The following MYOCD variants were observed in gnomAD, a reference collection of about 807,000 sequenced individuals.
The protein encoded by MYOCD is myocardin.
MYOCD carries 32 observed loss-of-function variants against 96.1 expected under a neutral mutation model. The ratio of observed to expected loss-of-function variants is 0.33; its 90% confidence interval spans 0.25 to 0.45. The LOEUF (loss-of-function observed/expected upper bound fraction) is 0.45. Among genes scored for constraint, MYOCD ranks in the 20% least tolerant of loss-of-function variants. MYOCD has a pLI of 1.00. For synonymous variants in MYOCD, 469 were observed against 469.0 expected (o/e 1.00, Z 0.00); for missense variants, 1,133 against 1,200.6 (o/e 0.94, Z 0.83).
intron 2 of MYOCD, among the ~76,000 whole-genome samples, chr17:12,714,229 T>C (rs1597772611): frequency 6.6e-6 from 1 of 151,438 alleles, no homozygotes; most frequent in Non-Finnish European, 1.5e-5. Context: ...ATGGTAGCCG[T>C]CATGACTACA....
chr17:12,678,328 G>T (rs59185675), intron 1 of MYOCD, among the ~76,000 whole-genome samples: 18,596 of 149,222 alleles, frequency 0.12, 2,165 homozygotes, highest in African/African-American at 0.31. Flanking sequence ...AAAAAAAACT[G>T]AAAAGGCATA....
At chr17:12,667,072 T>G (rs563212040) in intron 1 of MYOCD, among the ~76,000 whole-genome samples, 1 of 152,232 alleles carries the variant, frequency 6.6e-6, no homozygotes, top group African/African-American at 2.4e-5. Context: ...CACTCAACAA[T>G]GTAGGACTTC....
intron 1 of MYOCD, among the ~76,000 whole-genome samples, chr17:12,681,275 G>C (rs942898751): frequency 6.6e-6 from 1 of 152,138 alleles, no homozygotes; most frequent in Non-Finnish European, 1.5e-5. Context: ...GACATCGTAA[G>C]GCATTTCCAC....
At chr17:12,708,031 C>A (rs1190103898) in intron 2 of MYOCD, among the ~76,000 whole-genome samples, 1 of 152,134 alleles carries the variant, frequency 6.6e-6, no homozygotes, top group Non-Finnish European at 1.5e-5. Context: ...GCCCCAATTA[C>A]TGGGCCTCTC....
At chr17:12,692,215 A>G (rs945979918) in intron 1 of MYOCD, among the ~76,000 whole-genome samples, 1 of 152,212 alleles carries the variant, frequency 6.6e-6, no homozygotes, top group African/African-American at 2.4e-5. Context: ...GGCACAGCCA[A>G]TGTTTCAGGC....
chr17:12,704,380 C>G (rs2031204692), intron 1 of MYOCD, among the ~76,000 whole-genome samples: 1 of 152,032 alleles, frequency 6.6e-6, no homozygotes, highest in African/African-American at 2.4e-5. Context: ...TTAATTTTTA[C>G]TATTACATGT....
At chr17:12,748,036 G>A (rs575349764) in intron 9 of MYOCD, among the ~76,000 whole-genome samples, 68 of 151,486 alleles carry the variant, frequency 4.5e-4, no homozygotes, top group Middle Eastern at 3.4e-3. Context: ...GGTGGTGCAC[G>A]CCTGTAATCC....
At chr17:12,725,248 T>C (rs1280182435) in intron 5 of MYOCD, among the ~76,000 whole-genome samples, 3 of 151,714 alleles carry the variant, frequency 2.0e-5, no homozygotes, top group Admixed American at 2.0e-4. Flanking sequence ...TTTTCTGCCT[T>C]GGTTCACTGG....
At chr17:12,693,958 TA>T (rs557448814) in intron 1 of MYOCD, among the ~76,000 whole-genome samples, 47 of 152,206 alleles carry the variant, frequency 3.1e-4, no homozygotes, top group Middle Eastern at 6.8e-3. Flanking sequence ...CTGCTGTTGA[TA>T]AAAACATTGG....
At position 12,666,059 on chromosome 17, in the gene MYOCD, C is replaced by A; in HGVS notation, c.-130C>A. The A allele has an allele frequency of 1.5e-6, 1 of 683,098 alleles. No homozygotes were observed. The highest frequency in any genetic ancestry group is 2.6e-6 in the Non-Finnish European group (1 of 381,962). 42.3% of individuals were successfully genotyped at this position (683,098 alleles called of 1,614,324 possible). ...CACTGGCTGCCACTGTACTCCTACC[C>A]AGGGGAGCTCACGGAGAGTTGGATG... is the stretch of plus-strand genomic sequence containing the variant. On this transcript the variant is annotated 5_prime_UTR_variant, in exon 1 of 14. Transcript: ENST00000425538.
chr17:12,752,822 G>A lies in MYOCD; in HGVS notation c.1534G>A (p.Gly512Arg). 6.2e-7 allele frequency: 1 copy of A among 1,614,068 alleles called. No homozygotes were observed. The highest frequency in any genetic ancestry group is 1.7e-4 in the Middle Eastern group (1 of 6,060). ...GGGCTCTGTTCCTTCTGAGCTGGAT[G>A]GGCTGGACTCCGAGAAGGACAAGAT... is the stretch of plus-strand genomic sequence containing the variant. ...NGGSVPSELD[G>R]LDSEKDKMLV... The change falls in exon 10 of 14, where the codon GGG becomes AGG. Residue 512 changes from glycine (G) to arginine (R), a missense_variant. Transcript: ENST00000425538.
intron 5 of MYOCD, among the ~76,000 whole-genome samples, chr17:12,724,532 A>G (rs2031940229): frequency 6.6e-6 from 1 of 151,978 alleles, no homozygotes; most frequent in African/African-American, 2.4e-5. Flanking sequence ...TATATGGTCA[A>G]TTTTACCTAT....
chr17:12,752,228 A>G (rs1486866130), intron 9 of MYOCD, among the ~76,000 whole-genome samples, 186 bp from the exon 10 acceptor site: 1 of 152,260 alleles, frequency 6.6e-6, no homozygotes, highest in East Asian at 1.9e-4. Context: ...AAAGTTAAAA[A>G]TAATTGTTAA....
intron 5 of MYOCD, among the ~76,000 whole-genome samples, chr17:12,730,865 G>A (rs2032150644): frequency 6.6e-6 from 1 of 152,124 alleles, no homozygotes; most frequent in Non-Finnish European, 1.5e-5. Flanking sequence ...CCCTTGGTGT[G>A]GGTCTTCACA....
At position 12,763,259 on chromosome 17, in the gene MYOCD, T is replaced by C. The variant is rs1414652604; in HGVS notation, c.2576T>C (p.Leu859Ser). The C allele has an allele frequency of 1.9e-6, 3 of 1,613,652 alleles. No homozygotes were observed. Among genetic ancestry groups the C allele is most frequent in the South Asian group, 2.2e-5 (2 of 91,050 alleles). The change falls in exon 14 of 14, where the codon TTA becomes TCA. Residue 859 changes from leucine to serine, a missense_variant. Physicochemically the swap from Leu to Ser is moderately radical, Grantham distance 145. Transcript: ENST00000425538. ...AGTGATGAGCATCTTGAAGTCTTAT[T>C]AAATTCCCAGAGCCCCCTAGGAAAG... ...TDSDEHLEVL[L>S]NSQSPLGKMS...
intron 8 of MYOCD, among the ~76,000 whole-genome samples, chr17:12,745,034 T>C (rs911390066): frequency 5.9e-5 from 9 of 152,162 alleles, no homozygotes; most frequent in African/African-American, 2.2e-4. Flanking sequence ...CAAGTTGGAC[T>C]ATGGAAAGTC....
In MYOCD at chr17:12,767,466, A is replaced by G. The variant is rs950840706; in HGVS notation, c.*3822A>G. 6 of 152,266 alleles carry G rather than the reference A, an allele frequency of 3.9e-5. No individual in the cohort carries two copies. Among genetic ancestry groups the G allele is most frequent in the Non-Finnish European group, 8.8e-5 (6 of 68,052 alleles). 9.4% of individuals were successfully genotyped at this position (152,266 alleles called of 1,614,324 possible). ...CTAATATTTAATGCCCACCATGGGCAGAGCACACAAATCTTCAGATAAACA... is the reference window on the plus strand; with the variant it reads ...CTAATATTTAATGCCCACCATGGGCGGAGCACACAAATCTTCAGATAAACA... On this transcript the variant is annotated 3_prime_UTR_variant, in exon 14 of 14. Coordinates refer to ENST00000425538, the MANE Select transcript of MYOCD (RefSeq NM_001146312.3).
At chr17:12,723,306 A>C (rs981245718) in intron 5 of MYOCD, among the ~76,000 whole-genome samples, 2 of 152,198 alleles carry the variant, frequency 1.3e-5, no homozygotes, top group African/African-American at 4.8e-5. Flanking sequence ...TCCATTACTT[A>C]GGAGTCACAG....
chr17:12,731,782 C>T (rs763343925), intron 5 of MYOCD, among the ~76,000 whole-genome samples: 1 of 152,200 alleles, frequency 6.6e-6, no homozygotes, highest in Non-Finnish European at 1.5e-5. Flanking sequence ...TGGGCCACAC[C>T]GAACACCACA....
Sources: allele counts gnomAD v4.1 joint callset (sites outside exome capture counted in the v4.1 genomes callset), GRCh38; gene constraint gnomAD v4.1.1; transcripts MANE v1.5; gene names NCBI Gene and HGNC (gene_info 2026-07-23, HGNC 2026-07-21).